Variants in CBFA2T2 observed in about 807,000 individuals in gnomAD.
CBFA2T2 encodes protein CBFA2T2.
CBFA2T2 carries 11 observed loss-of-function variants against 62.2 expected under a neutral mutation model. The ratio of observed to expected loss-of-function variants is 0.18; its 90% confidence interval spans 0.11 to 0.29. CBFA2T2 has a LOEUF of 0.29. Among genes scored for constraint, CBFA2T2 ranks in the 10% least tolerant of loss-of-function variants. The probability of loss-of-function intolerance (pLI) is 1.00; values close to 1 mark genes in which losing one functional copy is unlikely to be tolerated. For synonymous variants in CBFA2T2, 295 were observed against 287.5 expected (o/e 1.03, Z -0.27); for missense variants, 592 against 774.1 (o/e 0.76, Z 2.79).
At chr20:33,612,018 G>T (rs1031668313) in intron 3 of CBFA2T2, among the ~76,000 whole-genome samples, 1 of 152,096 alleles carries the variant, frequency 6.6e-6, no homozygotes, top group African/African-American at 2.4e-5. Context: ...GAGTAGAGAG[G>T]TAGCAAGTTT....
intron 1 of CBFA2T2, chr20:33,601,725 T>C (rs1449634273): frequency 6.6e-6 from 1 of 152,202 alleles, no homozygotes; most frequent in African/African-American, 2.4e-5. Flanking sequence ...TTCTCAGTCA[T>C]GATAAACAGG....
chr20:33,596,694 A>G (rs534643548), intron 1 of CBFA2T2, among the ~76,000 whole-genome samples: 2 of 152,264 alleles, frequency 1.3e-5, no homozygotes, highest in Admixed American at 6.5e-5. Context: ...AAAATATTTC[A>G]TCACAACTTC....
chr20:33,584,503 C>T (rs2014278758), intron 1 of CBFA2T2, among the ~76,000 whole-genome samples: 1 of 148,022 alleles, frequency 6.8e-6, no homozygotes, highest in Non-Finnish European at 1.5e-5. Context: ...CTGAACTGCC[C>T]GTCTCGGCCT....
chr20:33,529,746 TATATATATATA>T (rs370176911), intron 1 of CBFA2T2, among the ~76,000 whole-genome samples: 86,099 of 129,180 alleles, frequency 0.67, 30,883 homozygotes, highest in Non-Finnish European at 0.74. Flanking sequence ...AAAGCAGTTA[TATATATATATA>T]TATATATATA....
rs1158447734 is a variant in CBFA2T2 at position 33,508,251 on chromosome 20, C to A, written c.34+17950C>A. Among the ~76,000 whole-genome samples, 4 of 152,058 alleles carry A rather than the reference C, an allele frequency of 2.6e-5. No homozygotes were observed. In the South Asian group the frequency reaches 8.3e-4, roughly 32 times the overall value. ...CTGGTATTACAGGTGTGCGCCACCA[C>A]ACCTGGCTAATTTTTGTGTTTTTGG... On this transcript the variant is annotated intron_variant, in intron 1 of 10. Transcript: ENST00000342704.
At chr20:33,579,269 T>C (rs2013995247) in intron 1 of CBFA2T2, among the ~76,000 whole-genome samples, 1 of 152,042 alleles carries the variant, frequency 6.6e-6, no homozygotes, top group South Asian at 2.1e-4. Context: ...GGTCTCACTG[T>C]ATTGCCCAGG....
chr20:33,597,074 ACT>A (rs2014925815), intron 1 of CBFA2T2, among the ~76,000 whole-genome samples: 1 of 151,320 alleles, frequency 6.6e-6, no homozygotes, highest in African/African-American at 2.4e-5. Flanking sequence ...ATAGGCAAGC[ACT>A]CTCACACCTG....
intron 1 of CBFA2T2, among the ~76,000 whole-genome samples, chr20:33,561,792 A>G (rs1428900718): frequency 6.6e-6 from 1 of 152,156 alleles, no homozygotes; most frequent in East Asian, 1.9e-4. Flanking sequence ...TCTTCCATTT[A>G]TAATCTTTAC....
At position 33,558,823 on chromosome 20, in the gene CBFA2T2, T is replaced by TGGG. The variant is rs141381907; in HGVS notation, c.35-48128_35-48126dup. ...AGAGATCAATTTTTCGCCAACTGTT[T>TGGG]GGGGGGGCGGCGATTCTTGAATCTT... On this transcript the variant is annotated intron_variant, in intron 1 of 10. Transcript: ENST00000342704. 1.7e-3 allele frequency among the ~76,000 whole-genome samples: 250 copies of TGGG among 150,854 alleles called. 1 individual carries two copies. Among genetic ancestry groups the TGGG allele is most frequent in the Middle Eastern group, 6.9e-3 (2 of 288 alleles).
In CBFA2T2 at chr20:33,644,494, C is replaced by G; in HGVS notation, c.1636C>G (p.Gln546Glu). 6.2e-7 allele frequency: 1 copy of G among 1,614,148 alleles called. No individual in the cohort carries two copies. Among genetic ancestry groups the G allele is most frequent in the Non-Finnish European group, 8.5e-7 (1 of 1,180,034 alleles). The change falls in exon 11 of 11, where the codon CAG (glutamine) becomes GAG (glutamate). Residue 546 changes from glutamine to glutamate, a missense_variant. Coordinates refer to ENST00000342704, the MANE Select transcript of CBFA2T2 (RefSeq NM_001032999.3). ...CCTGCATGGCCAGAGCCCCCACGGC[C>G]AGGGCCGGCCGCTGCTTCCTGTAGG... ...QNLHGQSPHGQGRPLLPVGRG... is the reference protein window; with the variant it reads ...QNLHGQSPHGEGRPLLPVGRG...
Position 33,644,687 on chromosome 20 carries a change from A to T in CBFA2T2, c.*41A>T, listed in dbSNP as rs1428028336. 2 of 1,552,084 alleles carry T rather than the reference A, an allele frequency of 1.3e-6. No individual in the cohort carries two copies. The highest frequency in any genetic ancestry group is 1.7e-6 in the Non-Finnish European group (2 of 1,143,362). The stretch of plus-strand genomic sequence containing the variant: ...TACCCTGATGGCTGCTCAGCACCAC[A>T]GAGTGCTTGGGCTGAGGGACTGACT... On this transcript the variant is annotated 3_prime_UTR_variant, in exon 11 of 11. Coordinates refer to ENST00000342704, the MANE Select transcript of CBFA2T2 (RefSeq NM_001032999.3).
intron 1 of CBFA2T2, among the ~76,000 whole-genome samples, chr20:33,571,950 G>T (rs188951721): frequency 1.3e-5 from 2 of 152,308 alleles, no homozygotes; most frequent in African/African-American, 4.8e-5. Context: ...GAGTGCAGTG[G>T]CACAATCCCG....
chr20:33,535,868 A>G (rs1396034184), intron 1 of CBFA2T2, among the ~76,000 whole-genome samples: 1 of 151,850 alleles, frequency 6.6e-6, no homozygotes, highest in Non-Finnish European at 1.5e-5. Flanking sequence ...AGTGGTGATG[A>G]TTCTTAACGA....
chr20:33,509,392 G>A (rs986732249), intron 1 of CBFA2T2, among the ~76,000 whole-genome samples: 6 of 151,794 alleles, frequency 4.0e-5, no homozygotes, highest in Admixed American at 2.0e-4. Context: ...AAAAGAACAC[G>A]ACACACTGAT....
chr20:33,542,343 T>C (rs544038347), intron 1 of CBFA2T2, among the ~76,000 whole-genome samples: 1 of 152,240 alleles, frequency 6.6e-6, no homozygotes, highest in Non-Finnish European at 1.5e-5. Flanking sequence ...GAACTAGATC[T>C]ATTTTGTTCC....
At chr20:33,590,273 C>T (rs2014562054) in intron 1 of CBFA2T2, among the ~76,000 whole-genome samples, 1 of 151,760 alleles carries the variant, frequency 6.6e-6, no homozygotes, top group African/African-American at 2.4e-5. Context: ...AATCTGCAAT[C>T]CTTTTTTCCT....
intron 3 of CBFA2T2, among the ~76,000 whole-genome samples, chr20:33,618,744 T>C (rs1035647918): frequency 2.0e-5 from 3 of 152,116 alleles, no homozygotes; most frequent in Admixed American, 1.3e-4. Flanking sequence ...TTTGAAAAAA[T>C]GTGACACTGG....
At chr20:33,519,751 G>A (rs1350106354) in intron 1 of CBFA2T2, among the ~76,000 whole-genome samples, 1 of 152,122 alleles carries the variant, frequency 6.6e-6, no homozygotes, top group African/African-American at 2.4e-5. Flanking sequence ...TTCATTTTCA[G>A]CAGCAGGGTT....
intron 1 of CBFA2T2, among the ~76,000 whole-genome samples, chr20:33,534,890 A>G (rs1008386309): frequency 6.6e-6 from 1 of 151,774 alleles, no homozygotes; most frequent in South Asian, 2.1e-4. Flanking sequence ...ACAGATCACC[A>G]TAACAGATAT....
Sources: allele counts gnomAD v4.1 joint callset (sites outside exome capture counted in the v4.1 genomes callset), GRCh38; gene constraint gnomAD v4.1.1; transcripts MANE v1.5; gene names NCBI Gene and HGNC (gene_info 2026-07-23, HGNC 2026-07-21).